Variants in FAM53A observed in about 807,000 individuals in gnomAD.
The protein encoded by FAM53A is protein FAM53A.
In FAM53A, 28 loss-of-function variants were observed where a neutral mutation model predicts 26.6. The observed-to-expected ratio is 1.05, with a 90% CI of 0.78 to 1.45. FAM53A has a LOEUF of 1.45. FAM53A is among the 40% of genes most tolerant of loss of function. The pLI, the probability that FAM53A is intolerant of heterozygous loss-of-function variation, is 0.00. For missense variants in FAM53A, 650 were observed against 575.8 expected (o/e 1.13, Z -1.32); for synonymous variants, 290 against 253.1 (o/e 1.15, Z -1.38).
At chr4:1,682,601 T>A (rs930306283) in intron 1 of FAM53A, among the ~76,000 whole-genome samples, 4 of 152,280 alleles carry the variant, frequency 2.6e-5, no homozygotes, top group Admixed American at 6.5e-5. Context: ...CTGTTCCCAA[T>A]GCACCGGTGA....
At chr4:1,604,309 G>C in the FAM53A span, among the ~76,000 whole-genome samples, 1 of 152,228 alleles carries the variant, frequency 6.6e-6, no homozygotes, top group Non-Finnish European at 1.5e-5. Context: ...AAAGGAGATG[G>C]GGAGGGCTCA....
Position 1,632,985 on chromosome 4 carries a change from G to C in FAM53A, c.432-14874C>G, listed in dbSNP as rs567127560. ...CATGCATGTGCACAGGGCGCACGCA[G>C]GCATAGGTACACACTCGTGCTCACA... On this transcript the variant is annotated intron_variant, in intron 1 of 1. Coordinates refer to the FAM53A transcript ENST00000489029. 6.6e-5 allele frequency among the ~76,000 whole-genome samples: 10 copies of C among 152,296 alleles called. No homozygotes were observed. The East Asian group carries it at 1.9e-3, about 29-fold the overall frequency.
the FAM53A span, among the ~76,000 whole-genome samples, chr4:1,575,571 C>A: frequency 1.3e-5 from 2 of 152,074 alleles, no homozygotes; most frequent in Non-Finnish European, 2.9e-5. Flanking sequence ...GACAGAGAGG[C>A]AGGACGGGGA....
Position 1,641,205 on chromosome 4 carries a change from G to A in FAM53A, c.*88C>T, listed in dbSNP as rs1413787837. 126 of 1,227,430 alleles carry A rather than the reference G, an allele frequency of 1.0e-4. 6 individuals are homozygous for A. Among genetic ancestry groups the A allele is most frequent in the South Asian group, 2.8e-4 (19 of 67,154 alleles). The allele number at this position is 1,227,430 out of a possible 1,614,324, so 76.0% of individuals were successfully genotyped here. A position where few individuals can be genotyped will look rare whatever the true frequency, so the allele number is the denominator to read the frequency against. ...TGTGCCCCAGGGCAGGTGCCGGGCC[G>A]TGGCCCCGACCAGCTCACAGGAAAC... On this transcript the variant is annotated 3_prime_UTR_variant, in exon 5 of 5. Transcript: ENST00000308132.
chr4:1,670,562 C>T (rs991628584), intron 1 of FAM53A, among the ~76,000 whole-genome samples: 18 of 152,212 alleles, frequency 1.2e-4, no homozygotes, highest in Admixed American at 6.5e-5. Context: ...AGGCTGTGCC[C>T]GCCTGGCTCA....
At chr4:1,604,333 C>T in the FAM53A span, among the ~76,000 whole-genome samples, 1 of 152,072 alleles carries the variant, frequency 6.6e-6, no homozygotes, top group Non-Finnish European at 1.5e-5. Context: ...GGGGTGTAGG[C>T]GGTGGCTGCC....
At chr4:1,629,131 G>C (rs1258159420) in intron 1 of FAM53A, among the ~76,000 whole-genome samples, 3 of 151,994 alleles carry the variant, frequency 2.0e-5, no homozygotes, top group African/African-American at 7.3e-5. Context: ...GCCCAGCCCA[G>C]CTGGGAAGAG....
the FAM53A span, among the ~76,000 whole-genome samples, chr4:1,578,986 G>C: frequency 6.6e-6 from 1 of 150,986 alleles, no homozygotes; most frequent in African/African-American, 2.4e-5. Context: ...GGCGCGGCCC[G>C]GCTGCGACAC....
Position 1,667,783 on chromosome 4 carries a change from C to A in FAM53A, c.75+884G>T, listed in dbSNP as rs542809982. On this transcript the variant is annotated intron_variant, in intron 2 of 4. Coordinates refer to ENST00000308132, the MANE Select transcript of FAM53A (RefSeq NM_001174070.3). Reference sequence around the variant, plus strand: ...CCAAGCCAGGCCCAGGATAGGCAGGCGCTCCAAGCACCCCTGCTGGCTCTG... The same window carrying A: ...CCAAGCCAGGCCCAGGATAGGCAGGAGCTCCAAGCACCCCTGCTGGCTCTG... 1.3e-4 allele frequency among the ~76,000 whole-genome samples: 20 copies of A among 152,322 alleles called. No homozygotes were observed. In the South Asian group the frequency reaches 4.1e-3, roughly 32 times the overall value.
At chr4:1,661,805 T>C (rs957944065) in intron 2 of FAM53A, among the ~76,000 whole-genome samples, 5 of 152,030 alleles carry the variant, frequency 3.3e-5, no homozygotes, top group African/African-American at 9.7e-5. Flanking sequence ...GACACAACCC[T>C]AAAAATCACG....
At chr4:1,600,852 G>C in the FAM53A span, among the ~76,000 whole-genome samples, 1 of 152,078 alleles carries the variant, frequency 6.6e-6, no homozygotes, top group African/African-American at 2.4e-5. Context: ...CTTAGCATCT[G>C]TACCACTGCA....
At chr4:1,625,186 A>G (rs111987619) in intron 1 of FAM53A, among the ~76,000 whole-genome samples, 2 of 27,208 alleles carry the variant, frequency 7.4e-5, no homozygotes, top group Non-Finnish European at 1.2e-4. Context: ...CAGGGGTCAC[A>G]CCAGGTGATC....
chr4:1,646,920 T>C (rs1712299364), intron 4 of FAM53A, among the ~76,000 whole-genome samples: 1 of 152,190 alleles, frequency 6.6e-6, no homozygotes, highest in African/African-American at 2.4e-5. Flanking sequence ...CACGCTTTTA[T>C]AGAAACCAGC....
intron 4 of FAM53A, among the ~76,000 whole-genome samples, chr4:1,650,265 C>A (rs1183731916): frequency 7.5e-6 from 1 of 133,778 alleles, no homozygotes. Context: ...GTGGCAAAGG[C>A]GTGGCGTTTG....
At chr4:1,619,320 G>A (rs1344227427) in intron 1 of FAM53A, among the ~76,000 whole-genome samples, 2 of 152,348 alleles carry the variant, frequency 1.3e-5, no homozygotes, top group Admixed American at 1.3e-4. Context: ...CGCACTGCCA[G>A]GGCGGCCAAC....
intron 1 of FAM53A, among the ~76,000 whole-genome samples, chr4:1,683,071 G>C (rs573364825): frequency 6.6e-6 from 1 of 152,212 alleles, no homozygotes; most frequent in African/African-American, 2.4e-5. Flanking sequence ...CAGCGCACAA[G>C]GAGGACTCAA....
chr4:1,666,178 T>G (rs1289316510), intron 2 of FAM53A, among the ~76,000 whole-genome samples: 2 of 128,924 alleles, frequency 1.6e-5, no homozygotes, highest in Non-Finnish European at 3.2e-5. Context: ...AAATAAAACC[T>G]GCACCTGCAC....
At chr4:1,681,013 T>C (rs901646102) in intron 1 of FAM53A, among the ~76,000 whole-genome samples, 2 of 152,214 alleles carry the variant, frequency 1.3e-5, no homozygotes, top group Non-Finnish European at 2.9e-5. Flanking sequence ...GTTCATCAAC[T>C]GTAGCAAACG....
Position 1,655,369 on chromosome 4 carries a change from C to A in FAM53A, c.491G>T (p.Ser164Ile). ...DSGGSATRQG[S>I]PGAVLPRSAV... is the part of the protein sequence containing the mutation. ...ACTCCTCGGCAGGACGGCGCCGGGGCTTCCCTGCCGCGTGGCACTCCCGCC... is the reference window on the plus strand; with the variant it reads ...ACTCCTCGGCAGGACGGCGCCGGGGATTCCCTGCCGCGTGGCACTCCCGCC... The change falls in exon 4 of 5, where the codon AGC becomes ATC. Residue 164 changes from serine (S) to isoleucine (I), a missense_variant. Physicochemically the swap from Ser to Ile is moderately radical, Grantham distance 142. Transcript: ENST00000308132. 6.9e-7 allele frequency: 1 copy of A among 1,443,618 alleles called. No homozygotes were observed. The highest frequency in any genetic ancestry group is 1.5e-5 in the South Asian group (1 of 67,956). 89.4% of individuals were successfully genotyped at this position (1,443,618 alleles called of 1,614,324 possible). A position where few individuals can be genotyped will look rare whatever the true frequency, so the allele number is the denominator to read the frequency against.
Sources: gnomAD v4.1 joint callset for allele counts (sites outside exome capture counted in the v4.1 genomes callset) on GRCh38, gnomAD v4.1.1 for gene constraint, MANE v1.5 for transcripts, NCBI Gene and HGNC (gene_info 2026-07-23, HGNC 2026-07-21) for gene names.